The following ERC2 variants were observed in gnomAD, a reference collection of about 807,000 sequenced individuals.
The protein encoded by ERC2 is ELKS/RAB6-interacting/CAST family member 2, also known as ERC protein 2.
In ERC2, 42 loss-of-function variants were observed where a neutral mutation model predicts 114.8. The observed-to-expected ratio is 0.37, with a 90% CI of 0.29 to 0.47. The LOEUF is 0.47. Ranked by LOEUF, ERC2 falls within the 20% of genes least tolerant of loss-of-function variation. The pLI is 0.99. For missense variants in ERC2, 939 were observed against 1,150.7 expected (o/e 0.82, Z 2.66); for synonymous variants, 454 against 425.5 (o/e 1.07, Z -0.82).
chr3:55,663,919 T>C (rs1559468062), intron 17 of ERC2, among the ~76,000 whole-genome samples: 1 of 152,204 alleles, frequency 6.6e-6, no homozygotes, highest in Non-Finnish European at 1.5e-5. Flanking sequence ...TATAGCCAAG[T>C]CACATTTTGC....
chr3:56,391,528 G>C (rs1237151556), intron 2 of ERC2, among the ~76,000 whole-genome samples: 2 of 152,154 alleles, frequency 1.3e-5, no homozygotes, highest in East Asian at 3.9e-4. Context: ...CAGGAAGAAG[G>C]CTCCAGCCTT....
At chr3:56,220,305 C>T (rs1321598538) in intron 3 of ERC2, among the ~76,000 whole-genome samples, 1 of 152,130 alleles carries the variant, frequency 6.6e-6, no homozygotes, top group Non-Finnish European at 1.5e-5. Context: ...ATTCTGATGC[C>T]ATGAAATGCT....
intron 4 of ERC2, among the ~76,000 whole-genome samples, chr3:56,156,954 AC>A (rs1159943101): frequency 4.0e-5 from 6 of 151,882 alleles, no homozygotes; most frequent in Non-Finnish European, 5.9e-5. Flanking sequence ...CAACAAAAAA[AC>A]AATAGCTGCT....
At chr3:55,692,322 C>A (rs989383292) in intron 16 of ERC2, among the ~76,000 whole-genome samples, 4 of 152,062 alleles carry the variant, frequency 2.6e-5, no homozygotes, top group African/African-American at 9.7e-5. Flanking sequence ...ACTGTGAGGC[C>A]CCACCAACTT....
intron 14 of ERC2, among the ~76,000 whole-genome samples, chr3:55,784,583 C>A (rs138544642): frequency 2.6e-4 from 39 of 152,228 alleles, no homozygotes; most frequent in Non-Finnish European, 5.0e-4. Flanking sequence ...GTTTTGAGTA[C>A]GTCTCTTAAC....
chr3:56,467,636 C>T (rs1375993694), intron 1 of ERC2, among the ~76,000 whole-genome samples: 1 of 151,978 alleles, frequency 6.6e-6, no homozygotes, highest in Non-Finnish European at 1.5e-5. Flanking sequence ...AGAAGGGATG[C>T]CGTTCAGTTC....
chr3:55,751,617 G>A (rs1012557120), intron 14 of ERC2, among the ~76,000 whole-genome samples: 3 of 152,152 alleles, frequency 2.0e-5, no homozygotes, highest in African/African-American at 7.2e-5. Flanking sequence ...ACATAGATGA[G>A]GCTTGCTCCA....
At chr3:56,393,390 C>T (rs964481574) in intron 2 of ERC2, among the ~76,000 whole-genome samples, 27 of 152,156 alleles carry the variant, frequency 1.8e-4, no homozygotes, top group Admixed American at 6.5e-5. Flanking sequence ...GAGAGAGACT[C>T]CTTCTCAAAA....
intron 7 of ERC2, among the ~76,000 whole-genome samples, chr3:56,079,145 A>G (rs1226194834): frequency 6.6e-6 from 1 of 152,180 alleles, no homozygotes; most frequent in Non-Finnish European, 1.5e-5. Context: ...TAGTAATTAC[A>G]TTAAAAAAAG....
At chr3:55,733,102 C>G (rs111854538) in intron 15 of ERC2, among the ~76,000 whole-genome samples, 1 of 152,256 alleles carries the variant, frequency 6.6e-6, no homozygotes, top group East Asian at 1.9e-4. Context: ...AGGGCTGTTT[C>G]TTAGGTCTAT....
chr3:56,038,512 G>A (rs1270483268), intron 7 of ERC2, among the ~76,000 whole-genome samples: 1 of 152,186 alleles, frequency 6.6e-6, no homozygotes, highest in Non-Finnish European at 1.5e-5. Context: ...AACCATTGTG[G>A]AGGACAGTGT....
At chr3:56,010,149 C>A (rs1169315583) in intron 9 of ERC2, among the ~76,000 whole-genome samples, 2 of 152,044 alleles carry the variant, frequency 1.3e-5, no homozygotes, top group African/African-American at 2.4e-5. Context: ...GGATCATGGG[C>A]CTGTGAAAAA....
intron 12 of ERC2, among the ~76,000 whole-genome samples, chr3:55,974,106 AGTAAT>A (rs1346942205): frequency 4.6e-5 from 7 of 152,184 alleles, no homozygotes; most frequent in African/African-American, 1.7e-4. Context: ...ATACCGACAA[AGTAAT>A]CTCAGCTTAA....
chr3:56,255,105 AAC>A (rs766680819), intron 3 of ERC2, among the ~76,000 whole-genome samples: 6 of 152,382 alleles, frequency 3.9e-5, no homozygotes, highest in South Asian at 2.1e-4. Context: ...ACTTAGAAGT[AAC>A]ACAGTTATCA....
chr3:55,689,050 G>T (rs915457922), intron 16 of ERC2, among the ~76,000 whole-genome samples: 3 of 152,126 alleles, frequency 2.0e-5, no homozygotes, highest in African/African-American at 7.2e-5. Context: ...TATTTTAAAA[G>T]ACACACTGGG....
intron 3 of ERC2, among the ~76,000 whole-genome samples, chr3:56,199,579 C>G (rs572403361): frequency 6.6e-6 from 1 of 152,168 alleles, no homozygotes; most frequent in East Asian, 1.9e-4. Context: ...ATCATCATAG[C>G]TCACTGCAGC....
At chr3:55,725,173 G>A (rs1368358898) in intron 15 of ERC2, among the ~76,000 whole-genome samples, 1 of 152,106 alleles carries the variant, frequency 6.6e-6, no homozygotes, top group Non-Finnish European at 1.5e-5. Flanking sequence ...AGCAAAGTTG[G>A]CAAATCACTC....
intron 14 of ERC2, among the ~76,000 whole-genome samples, chr3:55,775,800 A>G (rs997617640): frequency 9.2e-5 from 14 of 152,192 alleles, no homozygotes; most frequent in Non-Finnish European, 1.8e-4. Flanking sequence ...ATTAGTTATG[A>G]ATCCAAACCA....
chr3:55,860,969 A>G (rs1348872286), intron 14 of ERC2, among the ~76,000 whole-genome samples: 1 of 152,212 alleles, frequency 6.6e-6, no homozygotes, highest in African/African-American at 2.4e-5. Context: ...CAACGGGGGA[A>G]ATCCCTGACA....
Sources: gnomAD v4.1 joint callset for allele counts (sites outside exome capture counted in the v4.1 genomes callset) on GRCh38, gnomAD v4.1.1 for gene constraint, MANE v1.5 for transcripts, NCBI Gene and HGNC (gene_info 2026-07-23, HGNC 2026-07-21) for gene names.